Variants in MAP3K19 observed in about 807,000 individuals in gnomAD.
MAP3K19 encodes SPS1/STE20-related protein kinase YSK4.
MAP3K19 carries 91 observed loss-of-function variants against 114.4 expected under a neutral mutation model. The ratio of observed to expected loss-of-function variants is 0.80; its 90% confidence interval spans 0.67 to 0.95. The LOEUF (loss-of-function observed/expected upper bound fraction) is 0.95. Among genes scored for constraint, MAP3K19 ranks in the 40% least tolerant of loss-of-function variants. The pLI, the probability that MAP3K19 is intolerant of heterozygous loss-of-function variation, is 0.00. For missense variants in MAP3K19, 1,471 were observed against 1,573.2 expected (o/e 0.94, Z 1.10); for synonymous variants, 518 against 530.5 (o/e 0.98, Z 0.32).
intron 12 of MAP3K19, among the ~76,000 whole-genome samples, chr2:134,969,132 G>A (rs948995747): frequency 6.6e-6 from 1 of 152,084 alleles, no homozygotes; most frequent in Non-Finnish European, 1.5e-5. Flanking sequence ...CGGATCACTC[G>A]CGGTTAGGAG....
chr2:134,984,272 C>T (rs1684929314), intron 10 of MAP3K19, among the ~76,000 whole-genome samples: 1 of 152,094 alleles, frequency 6.6e-6, no homozygotes, highest in South Asian at 2.1e-4. Flanking sequence ...GAAAGAGAAA[C>T]ATACACAGAG....
At position 134,986,699 on chromosome 2, in the gene MAP3K19, A is replaced by G. The variant is rs986211278; in HGVS notation, c.2173T>C (p.Cys725Arg). 6.2e-7 allele frequency: 1 copy of G among 1,614,052 alleles called. No individual in the cohort carries two copies. The highest frequency in any genetic ancestry group is 8.5e-7 in the Non-Finnish European group (1 of 1,180,006). ...RLSQKKTHMKCPKTSFGIKQE... is the reference protein window; with the variant it reads ...RLSQKKTHMKRPKTSFGIKQE... ...TTAATGCCAAATGAAGTCTTTGGGC[A>G]TTTCATATGTGTTTTTTTCTGAGAA... Residue 725 changes from cysteine to arginine, a missense_variant, in exon 10 of 13, where the codon TGC becomes CGC. Cys to Arg is a radical substitution (Grantham distance 180). Transcript: ENST00000392915.
At position 134,988,118 on chromosome 2, in the gene MAP3K19, C is replaced by T. The variant is rs1362359444; in HGVS notation, c.754G>A (p.Val252Ile). The change falls in exon 10 of 13, where the codon GTT becomes ATT. Residue 252 changes from valine (V) to isoleucine (I), a missense_variant. Coordinates refer to ENST00000392915, the MANE Select transcript of MAP3K19 (RefSeq NM_025052.5). ...GGGCTGAGCTCATCAGATTGACGAA[C>T]AGACACTGAGAGCTTAGGCACAAAA... ...TSFVPKLSVS[V>I]RQSDELSPSN... 3.7e-6 allele frequency: 6 copies of T among 1,614,112 alleles called. No homozygotes were observed. The highest frequency in any genetic ancestry group is 5.1e-6 in the Non-Finnish European group (6 of 1,180,012).
At chr2:134,997,548 C>A (rs567340975) in intron 8 of MAP3K19, among the ~76,000 whole-genome samples, 2 of 152,066 alleles carry the variant, frequency 1.3e-5, no homozygotes, top group Admixed American at 1.3e-4. Context: ...AGGCCAGGCG[C>A]AGTGGCTCAC....
intron 2 of MAP3K19, among the ~76,000 whole-genome samples, chr2:135,033,265 A>G (rs1688433479): frequency 9.6e-6 from 1 of 104,108 alleles, no homozygotes; most frequent in Admixed American, 9.6e-5. Context: ...CCTCCCTCCC[A>G]GACAGGGCGG....
chr2:135,004,083 A>G (rs1277722078), intron 6 of MAP3K19, among the ~76,000 whole-genome samples: 7 of 152,226 alleles, frequency 4.6e-5, no homozygotes, highest in African/African-American at 1.7e-4. Flanking sequence ...CATAAGTATT[A>G]TGGCTCCCAT....
At chr2:135,022,931 T>C (rs764635023) in intron 4 of MAP3K19, among the ~76,000 whole-genome samples, 8 of 151,836 alleles carry the variant, frequency 5.3e-5, no homozygotes, top group Non-Finnish European at 1.0e-4. Flanking sequence ...ATGGACAGAG[T>C]TCCTAACACC....
At chr2:135,003,249 ATGG>A in intron 6 of MAP3K19, among the ~76,000 whole-genome samples, 1 of 152,146 alleles carries the variant, frequency 6.6e-6, no homozygotes, top group South Asian at 2.1e-4. Flanking sequence ...CCCCCAGTCT[ATGG>A]TATTTTGTTT....
Position 134,979,443 on chromosome 2 carries a change from C to CGTGTGT in MAP3K19, c.3920+1372_3920+1377dup, listed in dbSNP as rs59337402. On this transcript the variant is annotated intron_variant, in intron 12 of 12. Coordinates refer to ENST00000392915, the MANE Select transcript of MAP3K19 (RefSeq NM_025052.5). ...TCCACCCTTTCTCTTTAAAGTGCTT[C>CGTGTGT]GTGTGTGTGTGTGTGTGTGTGTGTG... Among the ~76,000 whole-genome samples, 479 of 146,884 alleles carry CGTGTGT rather than the reference C, an allele frequency of 3.3e-3. 2 individuals carry two copies. Among genetic ancestry groups the CGTGTGT allele is most frequent in the African/African-American group, 0.011 (453 of 40,054 alleles).
chr2:135,005,128 A>T (rs1351349916), intron 6 of MAP3K19, among the ~76,000 whole-genome samples: 1 of 152,166 alleles, frequency 6.6e-6, no homozygotes, highest in East Asian at 1.9e-4. Context: ...CTGTGTTTTC[A>T]AACTTATTTA....
intron 8 of MAP3K19, among the ~76,000 whole-genome samples, chr2:134,996,271 CTTTTTTTT>C (rs61265758): frequency 3.2e-5 from 4 of 125,782 alleles, no homozygotes; most frequent in South Asian, 2.6e-4. Flanking sequence ...CTTCTTATTT[CTTTTTTTT>C]TTTTTTTTTT....
At chr2:134,996,646 G>A (rs934976037) in intron 8 of MAP3K19, among the ~76,000 whole-genome samples, 3 of 152,176 alleles carry the variant, frequency 2.0e-5, no homozygotes, top group Non-Finnish European at 2.9e-5. Flanking sequence ...AACAGTAGGT[G>A]CAAATATTCA....
chr2:134,998,897 G>A lies in MAP3K19; in HGVS notation c.415C>T (p.Arg139Trp), dbSNP rs141899370. Residue 139 changes from arginine (R) to tryptophan (W), a missense_variant, in exon 8 of 13, where the codon CGG becomes TGG. Transcript: ENST00000392915. Reference protein sequence around the residue: ...VELRKKKLTMRPLVLQKEESS... With the variant: ...VELRKKKLTMWPLVLQKEESS... The stretch of plus-strand genomic sequence containing the variant: ...TCCTCTTTTTGCAAAACTAAGGGCC[G>A]CATGGTCAGCTTCTTTTTCCTGAGC... The A allele has an allele frequency of 1.7e-4, 269 of 1,614,140 alleles. No homozygotes were observed. Among genetic ancestry groups the A allele is most frequent in the Middle Eastern group, 6.6e-4 (4 of 6,062 alleles).
At chr2:135,034,361 C>T (rs1326738437) in intron 2 of MAP3K19, among the ~76,000 whole-genome samples, 2 of 122,944 alleles carry the variant, frequency 1.6e-5, no homozygotes, top group Admixed American at 8.4e-5. Flanking sequence ...ACGTCCCAGA[C>T]GATGGGTGGC....
At position 135,024,773 on chromosome 2, in the gene MAP3K19, T is replaced by C. The variant is rs1558740767; in HGVS notation, c.-94-32A>G. Reference sequence around the variant, plus strand: ...AGAACAGAATCAACATTAAAGTTTATTTAGTTGAATCTGTTGAAAAAAGAA... The same window carrying C: ...AGAACAGAATCAACATTAAAGTTTACTTAGTTGAATCTGTTGAAAAAAGAA... On this transcript the variant is annotated intron_variant, in intron 3 of 12. Transcript: ENST00000392915. 18 of 777,110 alleles carry C rather than the reference T, an allele frequency of 2.3e-5. No individual in the cohort carries two copies. The South Asian group carries it at 3.1e-4, about 13-fold the overall frequency. The allele number at this position is 777,110 out of a possible 1,614,324, so 48.1% of individuals were successfully genotyped here.
chr2:134,996,418 G>A (rs1445854253), intron 8 of MAP3K19, among the ~76,000 whole-genome samples: 1 of 152,130 alleles, frequency 6.6e-6, no homozygotes, highest in Non-Finnish European at 1.5e-5. Flanking sequence ...ATGCTTGGAG[G>A]TTGAATTATT....
chr2:135,034,643 C>CA (rs1431999690), intron 2 of MAP3K19, among the ~76,000 whole-genome samples: 1 of 134,398 alleles, frequency 7.4e-6, no homozygotes, highest in Non-Finnish European at 1.6e-5. Flanking sequence ...CCGTCTCCAC[C>CA]AAAAAAGTAA....
intron 10 of MAP3K19, among the ~76,000 whole-genome samples, chr2:134,985,015 T>G (rs955685212): frequency 6.6e-6 from 1 of 152,210 alleles, no homozygotes; most frequent in Admixed American, 6.5e-5. Context: ...TGAGTTAGTG[T>G]TCAATAAATA....
intron 5 of MAP3K19, among the ~76,000 whole-genome samples, chr2:135,013,933 A>G (rs1383879736): frequency 6.6e-6 from 1 of 152,182 alleles, no homozygotes; most frequent in African/African-American, 2.4e-5. Flanking sequence ...AATTTAATAG[A>G]GCACTTAGTA....
Sources: allele counts gnomAD v4.1 joint callset (sites outside exome capture counted in the v4.1 genomes callset), GRCh38; gene constraint gnomAD v4.1.1; transcripts MANE v1.5; gene names NCBI Gene and HGNC (gene_info 2026-07-23, HGNC 2026-07-21).